PNLIPRP3: variants seen among roughly 807,000 people sequenced by gnomAD.
PNLIPRP3 encodes pancreatic lipase related protein 3.
In PNLIPRP3, 58 loss-of-function variants were observed where a neutral mutation model predicts 52.8. The ratio of observed to expected loss-of-function variants is 1.10; its 90% CI spans 0.89 to 1.37. The LOEUF is 1.37. Ranked by LOEUF, PNLIPRP3 falls within the 40% of genes most tolerant of loss-of-function variation. The pLI, the probability that PNLIPRP3 is intolerant of heterozygous loss-of-function variation, is 0.00. For synonymous variants in PNLIPRP3, 192 were observed against 185.0 expected (o/e 1.04, Z -0.31); for missense variants, 593 against 561.6 (o/e 1.06, Z -0.57).
chr10:116,432,217 G>A (rs1845717465), intron 1 of PNLIPRP3, among the ~76,000 whole-genome samples: 2 of 152,188 alleles, frequency 1.3e-5, no homozygotes, highest in African/African-American at 2.4e-5. Context: ...ATAGATTATC[G>A]AACCTACTTT....
In PNLIPRP3 at chr10:116,433,330, T is replaced by C. The variant is rs542318491; in HGVS notation, c.50-3381T>C. Among the ~76,000 whole-genome samples, 8 of 152,190 alleles carry C rather than the reference T, an allele frequency of 5.3e-5. No homozygotes were observed. In the East Asian group the frequency reaches 1.5e-3, roughly 29 times the overall value. The stretch of plus-strand genomic sequence containing the variant: ...CTGACTAAAAGGAAGCAAATTTCTC[T>C]ACTCTTTGAAGAGTTTTTACAAATA... On this transcript the variant is annotated intron_variant, in intron 1 of 11. Coordinates refer to ENST00000369230, the MANE Select transcript of PNLIPRP3 (RefSeq NM_001011709.3).
At chr10:116,431,167 G>T (rs1309383991) in intron 1 of PNLIPRP3, among the ~76,000 whole-genome samples, 8 of 152,018 alleles carry the variant, frequency 5.3e-5, no homozygotes, top group African/African-American at 1.9e-4. Flanking sequence ...CCACACCACT[G>T]CTACCACCCT....
intron 10 of PNLIPRP3, 32 bp downstream of exon 10, chr10:116,471,911 A>G (rs779729558): frequency 1.4e-6 from 2 of 1,382,372 alleles, no homozygotes; most frequent in African/African-American, 2.9e-5. Context: ...CGCTTTGCAC[A>G]GTGCTGGGGG....
intron 1 of PNLIPRP3, among the ~76,000 whole-genome samples, chr10:116,428,913 T>G (rs1467109061): frequency 6.6e-6 from 1 of 152,130 alleles, no homozygotes. Context: ...ATTCTGAATC[T>G]TCTTGGGTTT....
intron 7 of PNLIPRP3, among the ~76,000 whole-genome samples, chr10:116,462,669 A>C (rs955745700): frequency 2.0e-5 from 3 of 152,194 alleles, no homozygotes; most frequent in Non-Finnish European, 4.4e-5. Flanking sequence ...AAATTCATAC[A>C]AAAGAGGCAT....
At chr10:116,444,915 A>T (rs768521736) in intron 4 of PNLIPRP3, among the ~76,000 whole-genome samples, 1 of 152,238 alleles carries the variant, frequency 6.6e-6, no homozygotes, top group Non-Finnish European at 1.5e-5. Flanking sequence ...GTGCCTGTGA[A>T]TTAGTTAGGT....
intron 1 of PNLIPRP3, among the ~76,000 whole-genome samples, chr10:116,434,471 G>T (rs979105909): frequency 2.0e-5 from 3 of 152,050 alleles, no homozygotes; most frequent in Non-Finnish European, 4.4e-5. Flanking sequence ...TATTTTTACA[G>T]AACTATTAAT....
chr10:116,428,324 T>A (rs1435163412), intron 1 of PNLIPRP3, among the ~76,000 whole-genome samples: 1 of 152,144 alleles, frequency 6.6e-6, no homozygotes, highest in Non-Finnish European at 1.5e-5. Flanking sequence ...AAGCATCTAT[T>A]TCCAACAATA....
rs745385738 is a variant in PNLIPRP3, at chr10:116,477,172, T to A, written c.*19T>A. On this transcript the variant is annotated 3_prime_UTR_variant, in exon 12 of 12. Coordinates refer to ENST00000369230, the MANE Select transcript of PNLIPRP3 (RefSeq NM_001011709.3). ...ATGCTAATCTCAGATACAGTCTTGATGGATTTCTTTAGTAGGAGCAATGAA... is the reference window on the plus strand; with the variant it reads ...ATGCTAATCTCAGATACAGTCTTGAAGGATTTCTTTAGTAGGAGCAATGAA... 1.3e-6 allele frequency: 2 copies of A among 1,560,906 alleles called. No individual in the cohort carries two copies. The highest frequency in any genetic ancestry group is 1.8e-6 in the Non-Finnish European group (2 of 1,138,740).
chr10:116,457,306 C>T lies in PNLIPRP3; in HGVS notation c.565+1476C>T, dbSNP rs182741708. Among the ~76,000 whole-genome samples the T allele has an allele frequency of 2.5e-3, 384 of 152,188 alleles. 1 individual carries two copies. The highest frequency in any genetic ancestry group is 8.9e-3 in the African/African-American group (368 of 41,518). ...TTGACTCCAGGCTTGGCCACAGAAG[C>T]GTATTTTCTCTTTGTTAAACTGCTG... On this transcript the variant is annotated intron_variant, in intron 5 of 11. Transcript: ENST00000369230.
At chr10:116,445,049 T>C (rs1047223280) in intron 4 of PNLIPRP3, among the ~76,000 whole-genome samples, 3 of 152,198 alleles carry the variant, frequency 2.0e-5, no homozygotes, top group Non-Finnish European at 4.4e-5. Flanking sequence ...TTCTAAAAAG[T>C]AATTTCCCAC....
Position 116,469,277 on chromosome 10 carries a change from A to C in PNLIPRP3, c.1020A>C (p.Ser340=). 2 of 1,610,508 alleles carry C rather than the reference A, an allele frequency of 1.2e-6. No individual in the cohort carries two copies. Among genetic ancestry groups the C allele is most frequent in the African/African-American group, 1.3e-5 (1 of 74,844 alleles). Residue 340 remains serine, a synonymous_variant, in exon 9 of 12, where the codon TCA becomes TCC. Coordinates refer to ENST00000369230, the MANE Select transcript of PNLIPRP3 (RefSeq NM_001011709.3). The part of the protein sequence containing the change: ...FHFKNMKTNG[S]HYFLNTGSLS... ...TCAAAAATATGAAGACTAATGGATC[A>C]CATTATTTTTTAAACACAGGGTCCC... is the stretch of plus-strand genomic sequence containing the variant.
At chr10:116,456,510 A>G (rs1190642769) in intron 5 of PNLIPRP3, among the ~76,000 whole-genome samples, 1 of 152,212 alleles carries the variant, frequency 6.6e-6, no homozygotes, top group Non-Finnish European at 1.5e-5. Flanking sequence ...ATGAGTTTGA[A>G]TCCCACTGAT....
At chr10:116,458,846 C>T (rs556491806) in intron 5 of PNLIPRP3, among the ~76,000 whole-genome samples, 1 of 152,226 alleles carries the variant, frequency 6.6e-6, no homozygotes, top group Admixed American at 6.5e-5. Flanking sequence ...ATGCCCTAGC[C>T]TATTGCATTC....
Position 116,471,748 on chromosome 10 carries a change from T to G in PNLIPRP3, c.1061-20T>G. 1 of 1,544,270 alleles carries G rather than the reference T, an allele frequency of 6.5e-7. No homozygotes were observed. Among genetic ancestry groups the G allele is most frequent in the Non-Finnish European group, 8.9e-7 (1 of 1,117,960 alleles). On this transcript the variant is annotated intron_variant, in intron 9 of 11. Coordinates refer to ENST00000369230, the MANE Select transcript of PNLIPRP3 (RefSeq NM_001011709.3). ...TTTTAACCCTTTCTCTCCCTTTCCTTCTTGTTTCCTTATATCTAGGTTGGA... is the reference window on the plus strand; with the variant it reads ...TTTTAACCCTTTCTCTCCCTTTCCTGCTTGTTTCCTTATATCTAGGTTGGA...
intron 7 of PNLIPRP3, 35 bp downstream of exon 7, chr10:116,461,325 C>A: frequency 6.3e-7 from 1 of 1,597,082 alleles, no homozygotes. Flanking sequence ...GCTACTGATG[C>A]ATATTCACTT....
In PNLIPRP3 at chr10:116,469,260, A is replaced by ATTT. The variant is rs760321807; in HGVS notation, c.1004_1005insTTT (p.Met335delinsIleLeu). 2.5e-6 allele frequency: 4 copies of ATTT among 1,611,910 alleles called. No homozygotes were observed. The highest frequency in any genetic ancestry group is 3.4e-6 in the Non-Finnish European group (4 of 1,179,150). On this transcript the variant is annotated protein_altering_variant, in exon 9 of 12. Transcript: ENST00000369230. ...TGCTGATAGATTTCACTTCAAAAAT[A>ATTT]TGAAGACTAATGGATCACATTATTT...
chr10:116,454,372 C>A (rs1471929112), intron 4 of PNLIPRP3, among the ~76,000 whole-genome samples: 2 of 152,234 alleles, frequency 1.3e-5, no homozygotes, highest in Non-Finnish European at 2.9e-5. Flanking sequence ...CCCGCCTCAG[C>A]CTCCCAAAGT....
intron 2 of PNLIPRP3, among the ~76,000 whole-genome samples, chr10:116,438,120 G>A (rs1029673171): frequency 6.6e-6 from 1 of 152,130 alleles, no homozygotes; most frequent in African/African-American, 2.4e-5. Context: ...TTAGATTCTG[G>A]ATAGGTGGGG....
Sources: gnomAD v4.1 joint callset for allele counts (sites outside exome capture counted in the v4.1 genomes callset) on GRCh38, gnomAD v4.1.1 for gene constraint, MANE v1.5 for transcripts, NCBI Gene and HGNC (gene_info 2026-07-23, HGNC 2026-07-21) for gene names.